SYNRG: variants seen among roughly 807,000 people sequenced by gnomAD.
SYNRG encodes AP1 gamma subunit binding protein 1.
Under a neutral mutation model 130.9 loss-of-function variants are expected in SYNRG, and 37 were observed. That is an observed-to-expected ratio of 0.28 (90% confidence interval 0.22 to 0.37). The LOEUF (loss-of-function observed/expected upper bound fraction) is 0.37. Ranked by LOEUF, SYNRG falls within the 10% of genes least tolerant of loss-of-function variation. SYNRG has a pLI of 1.00. For synonymous variants in SYNRG, 539 were observed against 568.1 expected (o/e 0.95, Z 0.73); for missense variants, 1,338 against 1,588.9 (o/e 0.84, Z 2.68).
intron 13 of SYNRG, among the ~76,000 whole-genome samples, chr17:37,558,220 A>G (rs985273003): frequency 6.6e-6 from 1 of 152,234 alleles, no homozygotes; most frequent in African/African-American, 2.4e-5. Flanking sequence ...GAATATTCTT[A>G]TAAGAGGTGG....
chr17:37,595,539 C>T (rs1170860203), intron 3 of SYNRG, among the ~76,000 whole-genome samples: 1 of 152,114 alleles, frequency 6.6e-6, no homozygotes, highest in Non-Finnish European at 1.5e-5. Flanking sequence ...CCTGTTGGTA[C>T]TATGCTCACT....
chr17:37,564,255 G>A (rs1381589333), intron 11 of SYNRG, among the ~76,000 whole-genome samples: 2 of 152,196 alleles, frequency 1.3e-5, no homozygotes, highest in African/African-American at 2.4e-5. Context: ...ATGACTGGAT[G>A]ATGTTGCTGC....
At chr17:37,529,194 G>C (rs1419971929) in intron 19 of SYNRG, among the ~76,000 whole-genome samples, 1 of 152,190 alleles carries the variant, frequency 6.6e-6, no homozygotes, top group Non-Finnish European at 1.5e-5. Flanking sequence ...CCTCATATTT[G>C]TTTACACTAA....
chr17:37,561,279 C>T, intron 12 of SYNRG, 22 bp from the exon 13 acceptor site: 1 of 1,610,882 alleles, frequency 6.2e-7, no homozygotes, highest in African/African-American at 1.3e-5. Flanking sequence ...AGGACAGAAG[C>T]TCAGTTAAGG....
intron 11 of SYNRG, among the ~76,000 whole-genome samples, chr17:37,564,413 C>T (rs1484808643): frequency 6.6e-6 from 1 of 152,216 alleles, no homozygotes; most frequent in African/African-American, 2.4e-5. Context: ...CATCATCTCA[C>T]AGCAAGATTA....
intron 19 of SYNRG, among the ~76,000 whole-genome samples, chr17:37,533,805 G>A (rs931639559): frequency 6.7e-5 from 10 of 150,338 alleles, no homozygotes; most frequent in African/African-American, 1.5e-4. Flanking sequence ...TCGAACTCCC[G>A]ACCTCAGGTG....
At position 37,521,969 on chromosome 17, in the gene SYNRG, C is replaced by T. The variant is rs1401744330; in HGVS notation, c.3667-1321G>A. Among the ~76,000 whole-genome samples the T allele has an allele frequency of 5.9e-5, 9 of 152,132 alleles. No homozygotes were observed. In the East Asian group the frequency reaches 7.7e-4, roughly 13 times the overall value. ...TGAGCTGGAGCTGCCTGTGGGACAG[C>T]GAAGGCCACATGCTATATAAGCAGG... On this transcript the variant is annotated intron_variant, in intron 19 of 21. Transcript: ENST00000612223.
intron 15 of SYNRG, chr17:37,540,800 A>T: frequency 3.9e-6 from 3 of 768,358 alleles, no homozygotes; most frequent in South Asian, 9.5e-5. Flanking sequence ...ATGCCTGGCT[A>T]ATTTTTGTAT....
At chr17:37,590,034 GAT>G (rs1330424135) in intron 3 of SYNRG, among the ~76,000 whole-genome samples, 1 of 152,014 alleles carries the variant, frequency 6.6e-6, no homozygotes, top group Non-Finnish European at 1.5e-5. Context: ...AGCCAGGCAT[GAT>G]GGGGCATGCC....
In SYNRG at chr17:37,514,912, A is replaced by C. The variant is rs1358957080; in HGVS notation, c.*4028T>G. 1 of 152,212 alleles carries C rather than the reference A, an allele frequency of 6.6e-6. No homozygotes were observed. Among genetic ancestry groups the C allele is most frequent in the East Asian group, 1.9e-4 (1 of 5,196 alleles). 9.4% of individuals were successfully genotyped at this position (152,212 alleles called of 1,614,324 possible). ...AAGCTTTATAATGTCTAAACACATCAATTAGAGCAGTTGTTTATTAAAATA... is the reference window on the plus strand; with the variant it reads ...AAGCTTTATAATGTCTAAACACATCCATTAGAGCAGTTGTTTATTAAAATA... On this transcript the variant is annotated 3_prime_UTR_variant, in exon 22 of 22. Transcript: ENST00000612223.
intron 14 of SYNRG, among the ~76,000 whole-genome samples, chr17:37,547,983 T>C (rs964459272): frequency 6.6e-6 from 1 of 152,240 alleles, no homozygotes; most frequent in East Asian, 1.9e-4. Flanking sequence ...AGTCATTACA[T>C]TATATTAAAA....
At chr17:37,590,985 A>C (rs2062131083) in intron 3 of SYNRG, among the ~76,000 whole-genome samples, 1 of 152,326 alleles carries the variant, frequency 6.6e-6, no homozygotes, top group African/African-American at 2.4e-5. Flanking sequence ...GAGAGGAAGG[A>C]AAGTATTTTT....
At chr17:37,579,899 T>TC (rs1000565084) in intron 6 of SYNRG, among the ~76,000 whole-genome samples, 1 of 152,106 alleles carries the variant, frequency 6.6e-6, no homozygotes, top group Non-Finnish European at 1.5e-5. Flanking sequence ...TTTTTTTTTT[T>TC]CATAGAGATG....
chr17:37,593,388 G>A (rs1314277543), intron 3 of SYNRG, among the ~76,000 whole-genome samples: 1 of 151,972 alleles, frequency 6.6e-6, no homozygotes, highest in Non-Finnish European at 1.5e-5. Flanking sequence ...ACTCCAGCCT[G>A]GGCAACAGAG....
Position 37,520,064 on chromosome 17 carries a change from G to GT in SYNRG, c.3813+114dup, listed in dbSNP as rs556018592. The GT allele has an allele frequency of 1.1e-4, 128 of 1,164,144 alleles. No homozygotes were observed. In the African/African-American group the frequency reaches 1.8e-3, roughly 17 times the overall value. 72.1% of individuals were successfully genotyped at this position (1,164,144 alleles called of 1,614,324 possible). A position where few individuals can be genotyped will look rare whatever the true frequency, so the allele number is the denominator to read the frequency against. ...ACATTATGGGAACAAAACTGACTCA[G>GT]TGAAGGATTCATGATTGGAACAGTT... is the stretch of plus-strand genomic sequence containing the variant. On this transcript the variant is annotated intron_variant, in intron 21 of 21. Coordinates refer to ENST00000612223, the MANE Select transcript of SYNRG (RefSeq NM_007247.6).
chr17:37,521,533 G>C (rs531957422), intron 19 of SYNRG, among the ~76,000 whole-genome samples: 53 of 152,232 alleles, frequency 3.5e-4, no homozygotes, highest in African/African-American at 1.3e-3. Context: ...AGATGAAGCC[G>C]CAGCACGAGG....
chr17:37,590,945 T>C (rs1211238294), intron 3 of SYNRG, among the ~76,000 whole-genome samples: 2 of 152,016 alleles, frequency 1.3e-5, no homozygotes, highest in Non-Finnish European at 1.5e-5. Flanking sequence ...AACACCGAAT[T>C]CATGATAGTG....
Position 37,588,555 on chromosome 17 carries a change from G to A in SYNRG, c.241-2006C>T, listed in dbSNP as rs28706503. Reference sequence around the variant, plus strand: ...TGGGATTACAGGCATGAGCCACCACGCCCAGCCAGCTTGGAATGCCTTTGG... The same window carrying A: ...TGGGATTACAGGCATGAGCCACCACACCCAGCCAGCTTGGAATGCCTTTGG... On this transcript the variant is annotated intron_variant, in intron 3 of 21. Coordinates refer to ENST00000612223, the MANE Select transcript of SYNRG (RefSeq NM_007247.6). Among the ~76,000 whole-genome samples, 840 of 152,208 alleles carry A rather than the reference G, an allele frequency of 5.5e-3. 7 individuals carry two copies. Among genetic ancestry groups the A allele is most frequent in the African/African-American group, 0.019 (794 of 41,536 alleles).
At chr17:37,561,076 C>A in intron 13 of SYNRG, 119 bp downstream of exon 13, 1 of 832,728 alleles carries the variant, frequency 1.2e-6, no homozygotes, top group Admixed American at 2.6e-5. Context: ...GTTTTTTTCT[C>A]CTAAACACAC....
Sources: gnomAD v4.1 joint callset for allele counts (sites outside exome capture counted in the v4.1 genomes callset) on GRCh38, gnomAD v4.1.1 for gene constraint, MANE v1.5 for transcripts, NCBI Gene and HGNC (gene_info 2026-07-23, HGNC 2026-07-21) for gene names.